Variants in PTGR3 observed in about 807,000 individuals in gnomAD.
PTGR3 encodes the protein zinc binding alcohol dehydrogenase domain containing 2.
the PTGR3 span, chr18:75,208,943 G>A: frequency 6.3e-7 from 1 of 1,591,358 alleles, no homozygotes; most frequent in Non-Finnish European, 8.5e-7. Context: ...GCTCAGCCGG[G>A]TCACCACCAG....
At chr18:75,208,334 C>A in the PTGR3 span, 22 of 986,304 alleles carry the variant, frequency 2.2e-5, no homozygotes, top group Non-Finnish European at 2.6e-5. Flanking sequence ...CAACGACAGG[C>A]TCCGCCACTG....
chr18:75,205,337 G>C, the PTGR3 span: 5 of 985,852 alleles, frequency 5.1e-6, no homozygotes, highest in Non-Finnish European at 6.0e-6. Flanking sequence ...AAGACACACT[G>C]GGAAGGATTC....
At chr18:75,205,524 T>A in the PTGR3 span, 1 of 978,910 alleles carries the variant, frequency 1.0e-6, no homozygotes, top group Non-Finnish European at 1.2e-6. Context: ...TGTACCCTTC[T>A]AGAGTCACCA....
At chr18:75,203,661 C>G in the PTGR3 span, among the ~76,000 whole-genome samples, 1 of 152,146 alleles carries the variant, frequency 6.6e-6, no homozygotes, top group Non-Finnish European at 1.5e-5. Context: ...AATTCCATAC[C>G]CGTGGAAGAT....
chr18:75,203,364 A>G, the PTGR3 span, among the ~76,000 whole-genome samples: 1,248 of 152,338 alleles, frequency 8.2e-3, 8 homozygotes, highest in Admixed American at 0.014. Flanking sequence ...TGAAAAGGTA[A>G]TAGTAACTGG....
chr18:75,201,717 G>A, the PTGR3 span: 1 of 1,614,112 alleles, frequency 6.2e-7, no homozygotes, highest in Non-Finnish European at 8.5e-7. Flanking sequence ...AAGGCCAGTA[G>A]GAGTTTGGTA....
the PTGR3 span, chr18:75,205,304 C>G: frequency 3.0e-6 from 3 of 985,532 alleles, no homozygotes; most frequent in South Asian, 1.4e-4. Context: ...GCGGAAGGGC[C>G]AGGGAGCCAC....
At chr18:75,202,665 C>CAAAAAAAAAAA in the PTGR3 span, among the ~76,000 whole-genome samples, 3 of 79,064 alleles carry the variant, frequency 3.8e-5, no homozygotes, top group African/African-American at 1.1e-4. Flanking sequence ...TAGAAATAAG[C>CAAAAAAAAAAA]AAAAAAAAAA....
chr18:75,208,544 A>T, the PTGR3 span: 37 of 959,182 alleles, frequency 3.9e-5, no homozygotes, highest in East Asian at 3.0e-4. Context: ...CGTCGGTTTT[A>T]TTTCGGGAGC....
chr18:75,204,567 A>G, the PTGR3 span, among the ~76,000 whole-genome samples: 3 of 152,094 alleles, frequency 2.0e-5, no homozygotes, highest in Non-Finnish European at 2.9e-5. Context: ...GGCTCCGTCC[A>G]TCTAACTCCC....
At chr18:75,204,938 C>A in the PTGR3 span, among the ~76,000 whole-genome samples, 1 of 152,186 alleles carries the variant, frequency 6.6e-6, no homozygotes, top group African/African-American at 2.4e-5. Context: ...GCCTCGCAGG[C>A]ACCCCCATTT....
the PTGR3 span, chr18:75,202,299 CCTG>C: frequency 6.2e-7 from 1 of 1,613,804 alleles, no homozygotes; most frequent in African/African-American, 1.3e-5. Flanking sequence ...GTCATAGCGG[CCTG>C]CTGAATAGTT....
chr18:75,201,688 T>C, the PTGR3 span: 2 of 1,614,054 alleles, frequency 1.2e-6, no homozygotes, highest in African/African-American at 2.7e-5. Flanking sequence ...GCTGGCAATG[T>C]TCCTGCTTTC....
chr18:75,198,817 T>C, the PTGR3 span: 12 of 152,350 alleles, frequency 7.9e-5, no homozygotes. Flanking sequence ...CTAAAAAGAC[T>C]GACAATTGCC....
the PTGR3 span, chr18:75,208,226 C>T: frequency 2.5e-6 from 2 of 785,516 alleles, no homozygotes; most frequent in African/African-American, 1.9e-5. Context: ...GCCCGGGACA[C>T]GCGCCACGCG....
At chr18:75,203,518 T>C in the PTGR3 span, among the ~76,000 whole-genome samples, 50 of 152,144 alleles carry the variant, frequency 3.3e-4, no homozygotes, top group Non-Finnish European at 6.2e-4. Flanking sequence ...CTTATGATCA[T>C]CCCCCATGTA....
the PTGR3 span, chr18:75,205,154 G>A: frequency 7.5e-4 from 737 of 985,558 alleles, 6 homozygotes; most frequent in African/African-American, 0.012. Flanking sequence ...CGCGGCTGGT[G>A]AGGACCCTCC....
the PTGR3 span, chr18:75,208,624 G>A: frequency 1.7e-6 from 1 of 603,754 alleles, no homozygotes; most frequent in Non-Finnish European, 2.1e-6. Context: ...CAGTTATGAG[G>A]ACGTTCGGTG....
chr18:75,195,674 T>C, the PTGR3 span: 1 of 152,188 alleles, frequency 6.6e-6, no homozygotes, highest in South Asian at 2.1e-4. Flanking sequence ...GCACTTTGGA[T>C]GGCCGAGGCA....
Sources: gnomAD v4.1 joint callset for allele counts (sites outside exome capture counted in the v4.1 genomes callset) on GRCh38, gnomAD v4.1.1 for gene constraint, MANE v1.5 for transcripts, NCBI Gene and HGNC (gene_info 2026-07-23, HGNC 2026-07-21) for gene names.